PLD1: variants seen among roughly 807,000 people sequenced by gnomAD.
PLD1 encodes the protein choline phosphatase 1.
A neutral mutation model predicts 137.1 loss-of-function variants in PLD1; 112 were observed. The observed-to-expected ratio is 0.82, with a 90% CI of 0.70 to 0.96. The LOEUF (loss-of-function observed/expected upper bound fraction) is 0.96. PLD1 is among the 40% of genes least tolerant of loss of function. PLD1 has a pLI of 0.00. For synonymous variants in PLD1, 431 were observed against 454.7 expected (o/e 0.95, Z 0.66); for missense variants, 1,321 against 1,342.0 (o/e 0.98, Z 0.24).
At chr3:171,744,136 G>A (rs1237229616) in intron 1 of PLD1, among the ~76,000 whole-genome samples, 1 of 152,146 alleles carries the variant, frequency 6.6e-6, no homozygotes, top group East Asian at 1.9e-4. Flanking sequence ...CTTTTGCTGA[G>A]GGCTTTTCAT....
intron 1 of PLD1, among the ~76,000 whole-genome samples, chr3:171,748,549 C>T (rs1051820182): frequency 6.6e-6 from 1 of 152,070 alleles, no homozygotes; most frequent in Non-Finnish European, 1.5e-5. Flanking sequence ...ATGGATCTGG[C>T]AAACTCACAT....
chr3:171,638,612 G>A (rs980836362), intron 23 of PLD1, among the ~76,000 whole-genome samples: 2 of 152,176 alleles, frequency 1.3e-5, no homozygotes, highest in African/African-American at 4.8e-5. Context: ...GCTTTTCTTT[G>A]TGGGAAGATT....
At chr3:171,764,843 GAAAGAAAGAAAGAAAGAA>G (rs1721715805) in intron 1 of PLD1, among the ~76,000 whole-genome samples, 1 of 13,586 alleles carries the variant, frequency 7.4e-5, no homozygotes, top group African/African-American at 2.9e-4. Flanking sequence ...AAGAAAGAAA[GAAAGAAAGAAAGAAAGAA>G]AGAAAGAAAG....
Position 171,612,437 on chromosome 3 carries a change from A to G in PLD1, c.2729-5T>C. On this transcript the variant is annotated splice_region_variant and splice_polypyrimidine_tract_variant and intron_variant, in intron 24 of 26. Coordinates refer to ENST00000351298, the MANE Select transcript of PLD1 (RefSeq NM_002662.5). The surrounding 1 kb of genome is among the most constrained non-coding windows in gnomAD (Gnocchi z 4.1). ...GGTCATTTATGTTGGCAGAGCCTGTAAGGAGAAACAGTGAGGCTGAACAAC... is the reference window on the plus strand; with the variant it reads ...GGTCATTTATGTTGGCAGAGCCTGTGAGGAGAAACAGTGAGGCTGAACAAC... The G allele has an allele frequency of 2.5e-6, 4 of 1,613,692 alleles. No homozygotes were observed. Among genetic ancestry groups the G allele is most frequent in the Middle Eastern group, 3.3e-4 (2 of 6,058 alleles).
intron 21 of PLD1, among the ~76,000 whole-genome samples, chr3:171,649,670 G>A (rs986947942): frequency 2.6e-5 from 4 of 152,248 alleles, no homozygotes; most frequent in Middle Eastern, 3.4e-3. Flanking sequence ...ACTAAGCCCC[G>A]GATAACTACC....
At position 171,726,017 on chromosome 3, in the gene PLD1, C is replaced by A; in HGVS notation, c.665+1G>T. On this transcript the variant is annotated splice_donor_variant, in intron 7 of 26. Coordinates refer to ENST00000351298, the MANE Select transcript of PLD1 (RefSeq NM_002662.5). LOFTEE classifies it high-confidence loss of function. ...CTCTTTTAAGGTTTATTGCAACTTACATGCCCTTTGGTCCCAAATCATGGA... is the reference window on the plus strand; with the variant it reads ...CTCTTTTAAGGTTTATTGCAACTTAAATGCCCTTTGGTCCCAAATCATGGA... 6.2e-7 allele frequency: 1 copy of A among 1,602,036 alleles called. No homozygotes were observed. The highest frequency in any genetic ancestry group is 8.6e-7 in the Non-Finnish European group (1 of 1,169,068).
intron 16 of PLD1, 127 bp downstream of exon 16, chr3:171,686,558 T>G: frequency 1.5e-6 from 1 of 648,898 alleles, no homozygotes; most frequent in South Asian, 2.0e-5. Context: ...AGGCTCTCAA[T>G]AATATACGTA....
At position 171,601,253 on chromosome 3, in the gene PLD1, G is replaced by A. The variant is rs1176637737; in HGVS notation, c.*1825C>T. 1.3e-4 allele frequency: 20 copies of A among 152,220 alleles called. No individual in the cohort carries two copies. The East Asian group carries it at 3.5e-3, about 26-fold the overall frequency. 9.4% of individuals were successfully genotyped at this position (152,220 alleles called of 1,614,324 possible). A position where few individuals can be genotyped will look rare whatever the true frequency, so the allele number is the denominator to read the frequency against. On this transcript the variant is annotated 3_prime_UTR_variant, in exon 27 of 27. Coordinates refer to ENST00000351298, the MANE Select transcript of PLD1 (RefSeq NM_002662.5). ...GATTAAATTACTTATAAGGGAAAGG[G>A]TCCTTTCAGGCTTTTTTCATGAGAG...
At chr3:171,760,996 GA>G (rs1721355882) in intron 1 of PLD1, among the ~76,000 whole-genome samples, 1 of 152,180 alleles carries the variant, frequency 6.6e-6, no homozygotes, top group Admixed American at 6.5e-5. Flanking sequence ...AAAATATGGG[GA>G]AAGGGACATA....
intron 19 of PLD1, among the ~76,000 whole-genome samples, chr3:171,665,452 CACTTT>C (rs1305095888): frequency 3.4e-4 from 52 of 152,304 alleles, no homozygotes; most frequent in East Asian, 2.7e-3. Flanking sequence ...GTAATCCCAG[CACTTT>C]CGGAGGCCGA....
At position 171,737,806 on chromosome 3, in the gene PLD1, A is replaced by G. The variant is rs895133277; in HGVS notation, c.160+86T>C. On this transcript the variant is annotated intron_variant, in intron 2 of 26. Transcript: ENST00000351298. ...GGTGTTACATCTGCAAGGAAAATCA[A>G]TCATTTGCTGGTTACTTCAAATTTG... The G allele has an allele frequency of 1.0e-5, 15 of 1,455,824 alleles. 1 individual carries two copies. The highest frequency in any genetic ancestry group is 6.8e-5 in the East Asian group (3 of 44,010). The allele number at this position is 1,455,824 out of a possible 1,614,324, so 90.2% of individuals were successfully genotyped here.
intron 21 of PLD1, among the ~76,000 whole-genome samples, chr3:171,647,315 T>C (rs1195063519): frequency 6.6e-6 from 1 of 152,176 alleles, no homozygotes; most frequent in Non-Finnish European, 1.5e-5. Context: ...TTAAATTAAA[T>C]TACATTTTGT....
intron 1 of PLD1, among the ~76,000 whole-genome samples, chr3:171,774,178 ACT>A (rs1722511678): frequency 6.6e-6 from 1 of 151,026 alleles, no homozygotes; most frequent in Non-Finnish European, 1.5e-5. Context: ...TACTTTAAAA[ACT>A]CTTTCTTCCT....
chr3:171,758,088 G>A (rs564551149), intron 1 of PLD1, among the ~76,000 whole-genome samples: 1 of 152,168 alleles, frequency 6.6e-6, no homozygotes, highest in Non-Finnish European at 1.5e-5. Context: ...TGCCAGGCAT[G>A]TGGTAGATGT....
rs1225510351 is a variant in PLD1 at position 171,735,651 on chromosome 3, T to A, written c.289-14A>T. On this transcript the variant is annotated splice_polypyrimidine_tract_variant and intron_variant, in intron 3 of 26. Coordinates refer to ENST00000351298, the MANE Select transcript of PLD1 (RefSeq NM_002662.5). The stretch of plus-strand genomic sequence containing the variant: ...AATACTTGGTACCTACAGTGATACA[T>A]AAAAATGTTTGATATTTTAGATAAC... 1 of 1,414,202 alleles carries A rather than the reference T, an allele frequency of 7.1e-7. No individual in the cohort carries two copies. Among genetic ancestry groups the A allele is most frequent in the African/African-American group, 1.4e-5 (1 of 70,706 alleles). The allele number at this position is 1,414,202 out of a possible 1,614,324, so 87.6% of individuals were successfully genotyped here. A position where few individuals can be genotyped will look rare whatever the true frequency, so the allele number is the denominator to read the frequency against.
At chr3:171,769,485 T>C (rs944855024) in intron 1 of PLD1, among the ~76,000 whole-genome samples, 18 of 152,368 alleles carry the variant, frequency 1.2e-4, no homozygotes, top group African/African-American at 4.3e-4. Flanking sequence ...ATAGCATATA[T>C]ATGGCATGTA....
At chr3:171,738,157 G>T in intron 1 of PLD1, 75 bp from the exon 2 acceptor site, 1 of 851,006 alleles carries the variant, frequency 1.2e-6, no homozygotes, top group Non-Finnish European at 1.8e-6. Context: ...TTTGAATCCA[G>T]ACTTAGATAC....
intron 23 of PLD1, among the ~76,000 whole-genome samples, chr3:171,620,744 A>C (rs9824608): frequency 0.27 from 13,216 of 48,454 alleles, 708 homozygotes; most frequent in Non-Finnish European, 0.3. Context: ...CTCTCTCTCT[A>C]TATATATATA....
chr3:171,776,436 T>C (rs1035523413), intron 1 of PLD1, among the ~76,000 whole-genome samples: 7 of 152,356 alleles, frequency 4.6e-5, no homozygotes, highest in African/African-American at 1.7e-4. Flanking sequence ...TTAGTTCTGA[T>C]TGGTGATCCA....
Sources: gnomAD v4.1 joint callset for allele counts (sites outside exome capture counted in the v4.1 genomes callset) on GRCh38, gnomAD v4.1.1 for gene constraint, Gnocchi (gnomAD v3.1) non-coding constraint, MANE v1.5 for transcripts, NCBI Gene and HGNC (gene_info 2026-07-23, HGNC 2026-07-21) for gene names.